Variants in GRID2 observed in about 807,000 individuals in gnomAD.
GRID2 encodes the protein glutamate ionotropic receptor delta type subunit 2.
A neutral mutation model predicts 114.8 loss-of-function variants in GRID2; 33 were observed. That is an observed-to-expected ratio of 0.29 (90% CI 0.22 to 0.38). The LOEUF is 0.38. Among genes scored for constraint, GRID2 ranks in the 10% least tolerant of loss-of-function variants. The pLI, the probability that GRID2 is intolerant of heterozygous loss-of-function variation, is 1.00. For synonymous variants in GRID2, 505 were observed against 449.9 expected (o/e 1.12, Z -1.55); for missense variants, 1,184 against 1,257.7 (o/e 0.94, Z 0.89).
chr4:93,112,307 G>A (rs550918505), intron 4 of GRID2: 17 of 152,204 alleles, frequency 1.1e-4, no homozygotes, highest in Non-Finnish European at 1.5e-4. Context: ...GTAATGATAT[G>A]GTTTCGCTCT....
At chr4:93,166,003 A>C (rs1738213958) in intron 4 of GRID2, 1 of 152,174 alleles carries the variant, frequency 6.6e-6, no homozygotes, top group Non-Finnish European at 1.5e-5. Flanking sequence ...ACTAAATCAT[A>C]TGTATAGGCA....
intron 2 of GRID2, among the ~76,000 whole-genome samples, chr4:93,030,449 A>T (rs973010200): frequency 6.6e-6 from 1 of 151,186 alleles, no homozygotes; most frequent in African/African-American, 2.4e-5. Flanking sequence ...CCATGGCTCA[A>T]TCTCAGCTCA....
chr4:92,741,984 T>A (rs984621580), intron 2 of GRID2, among the ~76,000 whole-genome samples: 5 of 152,158 alleles, frequency 3.3e-5, no homozygotes, highest in Non-Finnish European at 4.4e-5. Flanking sequence ...ACAGATAATA[T>A]TTCACTGATG....
At chr4:93,241,651 T>C (rs1302737416) in intron 8 of GRID2, among the ~76,000 whole-genome samples, 4 of 151,850 alleles carry the variant, frequency 2.6e-5, no homozygotes, top group Non-Finnish European at 4.4e-5. Context: ...GAAATTAAGG[T>C]ATGCTGGCCT....
intron 2 of GRID2, among the ~76,000 whole-genome samples, chr4:93,072,493 G>A (rs1362580982): frequency 6.6e-6 from 1 of 152,104 alleles, no homozygotes; most frequent in Non-Finnish European, 1.5e-5. Context: ...GTATCAGAAG[G>A]ATATGAAACA....
chr4:93,177,339 G>A (rs965668968), intron 4 of GRID2, among the ~76,000 whole-genome samples: 8 of 151,830 alleles, frequency 5.3e-5, no homozygotes, highest in Non-Finnish European at 1.0e-4. Context: ...TTTATTGACC[G>A]GGCCCTGCTT....
chr4:92,898,270 A>T (rs759038842), intron 2 of GRID2, among the ~76,000 whole-genome samples: 17 of 152,160 alleles, frequency 1.1e-4, no homozygotes, highest in Non-Finnish European at 1.9e-4. Flanking sequence ...TTTAGTCCCT[A>T]AAAGTTTTCA....
intron 2 of GRID2, among the ~76,000 whole-genome samples, chr4:92,596,111 T>A (rs1728939957): frequency 6.6e-6 from 1 of 152,182 alleles, no homozygotes; most frequent in African/African-American, 2.4e-5. Flanking sequence ...CCAATTTTGA[T>A]AACTTCAATT....
At chr4:93,174,855 TA>T (rs1739198389) in intron 4 of GRID2, among the ~76,000 whole-genome samples, 1 of 152,174 alleles carries the variant, frequency 6.6e-6, no homozygotes, top group Non-Finnish European at 1.5e-5. Flanking sequence ...TATACCAGTT[TA>T]AAATGTTTAT....
chr4:93,809,261 C>T (rs945427112), exon 2 of GRID2: 4 of 152,130 alleles, frequency 2.6e-5, no homozygotes, highest in Admixed American at 1.3e-4. Flanking sequence ...TTGGCTGATC[C>T]AATTTGAGTT....
chr4:93,357,950 T>G (rs1560535308), intron 8 of GRID2, among the ~76,000 whole-genome samples: 1 of 151,830 alleles, frequency 6.6e-6, no homozygotes, highest in Admixed American at 6.6e-5. Context: ...TATATTCTAA[T>G]TACAATTTTG....
intron 8 of GRID2, among the ~76,000 whole-genome samples, chr4:93,388,584 T>C (rs368619009): frequency 6.6e-6 from 1 of 152,322 alleles, no homozygotes; most frequent in East Asian, 1.9e-4. Context: ...AATTGATGAA[T>C]ATAAATAATA....
intron 1 of GRID2, among the ~76,000 whole-genome samples, chr4:92,402,640 A>G (rs2110283745): frequency 6.6e-6 from 1 of 152,326 alleles, no homozygotes; most frequent in South Asian, 2.1e-4. Context: ...TAACATATTC[A>G]GTAAACCATG....
intron 2 of GRID2, among the ~76,000 whole-genome samples, chr4:93,042,808 A>G (rs986032913): frequency 6.6e-6 from 1 of 151,330 alleles, no homozygotes; most frequent in Non-Finnish European, 1.5e-5. Flanking sequence ...TAAATCATTG[A>G]TATTTTTACA....
intron 8 of GRID2, among the ~76,000 whole-genome samples, chr4:93,363,392 G>T (rs1013819666): frequency 6.6e-6 from 1 of 152,096 alleles, no homozygotes; most frequent in African/African-American, 2.4e-5. Context: ...TGGTTAAGAG[G>T]AGTGATGATT....
chr4:93,347,449 T>C (rs1437940414), intron 8 of GRID2, among the ~76,000 whole-genome samples: 1 of 152,008 alleles, frequency 6.6e-6, no homozygotes. Flanking sequence ...AAATAAAAAA[T>C]ATAGGAACAG....
At chr4:93,468,425 G>A (rs1724493572) in intron 11 of GRID2, among the ~76,000 whole-genome samples, 1 of 152,142 alleles carries the variant, frequency 6.6e-6, no homozygotes, top group African/African-American at 2.4e-5. Flanking sequence ...TATAGAAGGA[G>A]TAGTTCAGAG....
chr4:93,432,584 C>A (rs1769520669), intron 10 of GRID2, among the ~76,000 whole-genome samples: 2 of 151,948 alleles, frequency 1.3e-5, no homozygotes. Flanking sequence ...TTTAAAATAG[C>A]TCAAAATGGA....
chr4:92,409,628 C>T (rs937500573), intron 1 of GRID2, among the ~76,000 whole-genome samples: 8 of 151,892 alleles, frequency 5.3e-5, no homozygotes, highest in Non-Finnish European at 1.0e-4. Context: ...ACCGAACATA[C>T]AATAATAAGT....
Sources: gnomAD v4.1 joint callset for allele counts (sites outside exome capture counted in the v4.1 genomes callset) on GRCh38, gnomAD v4.1.1 for gene constraint, MANE v1.5 for transcripts, NCBI Gene and HGNC (gene_info 2026-07-23, HGNC 2026-07-21) for gene names.